The following GABRB3 variants were observed in gnomAD, a reference collection of about 807,000 sequenced individuals.
GABRB3 encodes gamma-aminobutyric acid receptor subunit beta-3.
A neutral mutation model predicts 52.1 loss-of-function variants in GABRB3; 14 were observed. The observed-to-expected ratio is 0.27, with a 90% confidence interval of 0.18 to 0.42. GABRB3 has a LOEUF of 0.42. GABRB3 is among the 10% of genes least tolerant of loss of function. GABRB3 has a pLI of 1.00. For missense variants in GABRB3, 307 were observed against 609.1 expected (o/e 0.50, Z 5.22); for synonymous variants, 260 against 232.3 (o/e 1.12, Z -1.08).
At chr15:26,711,571 ACCTCCCCC>A (rs1889297330) in intron 3 of GABRB3, among the ~76,000 whole-genome samples, 1 of 151,234 alleles carries the variant, frequency 6.6e-6, no homozygotes, top group African/African-American at 2.4e-5. Context: ...TGTCAACACT[ACCTCCCCC>A]GCCCCAGGCT....
chr15:26,666,625 G>C (rs1887721234), intron 3 of GABRB3: 1 of 152,202 alleles, frequency 6.6e-6, no homozygotes. Flanking sequence ...TGCAGGGCAG[G>C]GCAGGAACTA....
intron 3 of GABRB3, among the ~76,000 whole-genome samples, chr15:26,635,741 A>G (rs1351150398): frequency 6.6e-6 from 1 of 152,170 alleles, no homozygotes; most frequent in Non-Finnish European, 1.5e-5. Context: ...ATGCATCTAG[A>G]TCAGGATTTG....
intron 3 of GABRB3, among the ~76,000 whole-genome samples, chr15:26,747,057 T>C (rs114748257): frequency 0.075 from 11,388 of 152,294 alleles, 501 homozygotes; most frequent in Middle Eastern, 0.15. Context: ...TATTTCTGAA[T>C]TGACTATTCT....
At chr15:26,587,736 C>G (rs1386245153) in intron 4 of GABRB3, among the ~76,000 whole-genome samples, 1 of 152,170 alleles carries the variant, frequency 6.6e-6, no homozygotes, top group Non-Finnish European at 1.5e-5. Context: ...GGAGATCAAC[C>G]AAGGGCAGAT....
intron 3 of GABRB3, among the ~76,000 whole-genome samples, chr15:26,708,537 T>G (rs548144610): frequency 6.6e-6 from 1 of 152,042 alleles, no homozygotes; most frequent in Non-Finnish European, 1.5e-5. Flanking sequence ...GGGCACTGCA[T>G]GAGGAGAGGA....
rs1889208076 is a variant in GABRB3 at position 26,545,696 on chromosome 15, TAAC to T, written c.*2094_*2096del. On this transcript the variant is annotated 3_prime_UTR_variant, in exon 9 of 9. Transcript: ENST00000311550. Reference sequence around the variant, plus strand: ...ACATGATAATAATGATAAGGCCACTTAACAAGGTTTTTCCCAATCTGTTTAACT... The same window carrying T: ...ACATGATAATAATGATAAGGCCACTTAAGGTTTTTCCCAATCTGTTTAACT... The T allele has an allele frequency of 6.6e-6, 1 of 152,500 alleles. No individual in the cohort carries two copies. Among genetic ancestry groups the T allele is most frequent in the African/African-American group, 2.4e-5 (1 of 41,432 alleles). The allele number at this position is 152,500 out of a possible 1,614,324, so 9.4% of individuals were successfully genotyped here.
intron 3 of GABRB3, among the ~76,000 whole-genome samples, chr15:26,644,645 C>T (rs376946331): frequency 6.6e-5 from 10 of 152,204 alleles, no homozygotes; most frequent in Admixed American, 5.9e-4. Flanking sequence ...TTGAAGACCA[C>T]GGTCTGTGGT....
chr15:26,644,761 G>A (rs560033861), intron 3 of GABRB3, among the ~76,000 whole-genome samples: 2 of 152,162 alleles, frequency 1.3e-5, no homozygotes, highest in African/African-American at 4.8e-5. Flanking sequence ...TTAAGCTGCC[G>A]AACAACAGGG....
chr15:26,709,282 T>C (rs1889207333), intron 3 of GABRB3, among the ~76,000 whole-genome samples: 1 of 152,146 alleles, frequency 6.6e-6, no homozygotes, highest in Non-Finnish European at 1.5e-5. Flanking sequence ...TGCCCGCCTC[T>C]GGGCAAGGAG....
rs367594260 is a variant in GABRB3, at chr15:26,580,267, C to T, written c.682+52G>A. 84 of 1,610,528 alleles carry T rather than the reference C, an allele frequency of 5.2e-5. No individual in the cohort carries two copies. In the South Asian group the frequency reaches 7.3e-4, roughly 14 times the overall value. On this transcript the variant is annotated intron_variant, in intron 6 of 8. Coordinates refer to ENST00000311550, the MANE Select transcript of GABRB3 (RefSeq NM_000814.6). Reference sequence around the variant, plus strand: ...GCAGCACATTTTGTCACTCCAGTCACGCCCATGGAGCCAGTGCCCCTGAAG... The same window carrying T: ...GCAGCACATTTTGTCACTCCAGTCATGCCCATGGAGCCAGTGCCCCTGAAG...
chr15:26,667,807 G>A (rs59834020), intron 3 of GABRB3, among the ~76,000 whole-genome samples: 6 of 152,204 alleles, frequency 3.9e-5, no homozygotes, highest in African/African-American at 1.2e-4. Flanking sequence ...CAGCTGTGTC[G>A]AAACAATCCC....
chr15:26,612,369 ACAT>A (rs1245885666), intron 4 of GABRB3: 1 of 152,192 alleles, frequency 6.6e-6, no homozygotes, highest in Non-Finnish European at 1.5e-5. Context: ...AAATAATGAA[ACAT>A]CAGACTGACT....
intron 3 of GABRB3, among the ~76,000 whole-genome samples, chr15:26,670,205 G>A (rs542253514): frequency 6.6e-6 from 1 of 152,332 alleles, no homozygotes; most frequent in Non-Finnish European, 1.5e-5. Flanking sequence ...GCGGGGCGGG[G>A]CGGCGAGCGG....
chr15:26,553,178 T>C (rs1481533235), intron 8 of GABRB3, among the ~76,000 whole-genome samples: 3 of 152,106 alleles, frequency 2.0e-5, no homozygotes, highest in African/African-American at 7.2e-5. Context: ...TGAGACAGAG[T>C]CTCGCTCTGT....
intron 3 of GABRB3, among the ~76,000 whole-genome samples, chr15:26,735,938 G>A (rs1890053931): frequency 6.7e-6 from 1 of 148,196 alleles, no homozygotes; most frequent in Non-Finnish European, 1.5e-5. Flanking sequence ...CTGGGCAACA[G>A]AGAGAGACCT....
At chr15:26,750,789 G>C (rs1890483844) in intron 3 of GABRB3, among the ~76,000 whole-genome samples, 1 of 152,126 alleles carries the variant, frequency 6.6e-6, no homozygotes, top group South Asian at 2.1e-4. Context: ...CTGTGATGCA[G>C]GCTAGAAAGT....
intron 4 of GABRB3, chr15:26,615,274 A>G (rs926117737): frequency 3.0e-6 from 3 of 985,154 alleles, no homozygotes; most frequent in Non-Finnish European, 3.6e-6. Context: ...AGTTCCTTAA[A>G]TGGTTTGACT....
In GABRB3 at chr15:26,545,998, G is replaced by A. The variant is rs2140640622; in HGVS notation, c.*1795C>T. 6.5e-6 allele frequency: 1 copy of A among 152,692 alleles called. No homozygotes were observed. Among genetic ancestry groups the A allele is most frequent in the East Asian group, 1.9e-4 (1 of 5,162 alleles). 9.5% of individuals were successfully genotyped at this position (152,692 alleles called of 1,614,324 possible). On this transcript the variant is annotated 3_prime_UTR_variant, in exon 9 of 9. Transcript: ENST00000311550. Reference sequence around the variant, plus strand: ...GGCCACCAAAGAAAAATCAAGTAGTGGTCAGCTCATGGGGATAGTCCACAC... The same window carrying A: ...GGCCACCAAAGAAAAATCAAGTAGTAGTCAGCTCATGGGGATAGTCCACAC...
chr15:26,632,673 C>T (rs1287786133), intron 3 of GABRB3, among the ~76,000 whole-genome samples: 2 of 152,056 alleles, frequency 1.3e-5, no homozygotes, highest in African/African-American at 4.8e-5. Flanking sequence ...GCTTGTTTGC[C>T]GTCGGTGTTG....
Sources: gnomAD v4.1 joint callset for allele counts (sites outside exome capture counted in the v4.1 genomes callset) on GRCh38, gnomAD v4.1.1 for gene constraint, MANE v1.5 for transcripts, NCBI Gene and HGNC (gene_info 2026-07-23, HGNC 2026-07-21) for gene names.